Variants in CTNNAL1 observed in about 807,000 individuals in gnomAD.
The protein encoded by CTNNAL1 is catenin alpha like 1.
CTNNAL1 carries 69 observed loss-of-function variants against 93.6 expected under a neutral mutation model. The observed-to-expected ratio is 0.74, with a 90% confidence interval of 0.61 to 0.90. The LOEUF is 0.90. Among genes scored for constraint, CTNNAL1 ranks in the 40% least tolerant of loss-of-function variants. CTNNAL1 has a pLI of 0.00. For synonymous variants in CTNNAL1, 286 were observed against 305.4 expected (o/e 0.94, Z 0.66); for missense variants, 836 against 862.0 (o/e 0.97, Z 0.38).
At chr9:109,007,775 C>T (rs1376016171) in intron 1 of CTNNAL1, among the ~76,000 whole-genome samples, 2 of 152,184 alleles carry the variant, frequency 1.3e-5, no homozygotes, top group Admixed American at 6.5e-5. Context: ...AGAACAATGT[C>T]AGTATCTCTG....
chr9:108,998,602 A>G (rs1832110167), intron 2 of CTNNAL1, among the ~76,000 whole-genome samples: 1 of 152,330 alleles, frequency 6.6e-6, no homozygotes, highest in Non-Finnish European at 1.5e-5. Flanking sequence ...TGATACTTCA[A>G]CAAAGCTGCA....
chr9:108,989,582 C>A (rs1268854449), intron 4 of CTNNAL1, among the ~76,000 whole-genome samples: 2 of 152,118 alleles, frequency 1.3e-5, no homozygotes, highest in African/African-American at 4.8e-5. Context: ...GCCTATGGGA[C>A]TACACCCAGA....
At chr9:109,004,792 AAT>A (rs1826964865) in intron 1 of CTNNAL1, among the ~76,000 whole-genome samples, 2 of 151,638 alleles carry the variant, frequency 1.3e-5, no homozygotes, top group South Asian at 2.1e-4. Flanking sequence ...TCTTGAAAAA[AAT>A]AAATAAATAA....
chr9:108,980,945 A>G (rs1368796090), intron 6 of CTNNAL1, among the ~76,000 whole-genome samples: 1 of 152,202 alleles, frequency 6.6e-6, no homozygotes, highest in Non-Finnish European at 1.5e-5. Context: ...ATGGTACCAA[A>G]TACAGCAAAG....
chr9:108,950,908 T>A (rs1435231654), intron 14 of CTNNAL1, among the ~76,000 whole-genome samples: 2 of 152,172 alleles, frequency 1.3e-5, no homozygotes, highest in Admixed American at 1.3e-4. Context: ...CTTTCTCCAA[T>A]ATCAGCTTTA....
At chr9:108,964,972 C>T (rs989064182) in intron 11 of CTNNAL1, among the ~76,000 whole-genome samples, 3 of 152,054 alleles carry the variant, frequency 2.0e-5, no homozygotes, top group African/African-American at 7.2e-5. Context: ...AAGTGATTCT[C>T]GTGCCTCAGC....
chr9:108,961,653 G>A (rs1830824115), intron 11 of CTNNAL1, among the ~76,000 whole-genome samples: 1 of 152,148 alleles, frequency 6.6e-6, no homozygotes, highest in Non-Finnish European at 1.5e-5. Flanking sequence ...GAAAGTAAAA[G>A]AAACCACAGT....
At chr9:108,980,946 T>C (rs1014319025) in intron 6 of CTNNAL1, among the ~76,000 whole-genome samples, 19 of 152,214 alleles carry the variant, frequency 1.2e-4, no homozygotes, top group Admixed American at 2.0e-4. Flanking sequence ...TGGTACCAAA[T>C]ACAGCAAAGT....
In CTNNAL1 at chr9:108,948,735, C is replaced by T. The variant is rs754133050; in HGVS notation, c.1836-501G>A. Among the ~76,000 whole-genome samples the T allele has an allele frequency of 1.1e-4, 17 of 152,174 alleles. 1 individual carries two copies. In the South Asian group the frequency reaches 2.1e-3, roughly 19 times the overall value. On this transcript the variant is annotated intron_variant, in intron 14 of 18. Coordinates refer to ENST00000325551, the MANE Select transcript of CTNNAL1 (RefSeq NM_003798.4). ...AATCATAATAATACTTGTGCTACCACTCTCATCAGAAGATTGAGGAACAGC... is the reference window on the plus strand; with the variant it reads ...AATCATAATAATACTTGTGCTACCATTCTCATCAGAAGATTGAGGAACAGC...
intron 15 of CTNNAL1, 39 bp from the exon 16 acceptor site, chr9:108,944,057 T>C: frequency 6.5e-7 from 1 of 1,534,056 alleles, no homozygotes; most frequent in African/African-American, 1.4e-5. Flanking sequence ...TAGACTGATG[T>C]CTATGGATAG....
chr9:108,989,975 C>T (rs1325509431), intron 4 of CTNNAL1, among the ~76,000 whole-genome samples: 1 of 152,114 alleles, frequency 6.6e-6, no homozygotes, highest in Non-Finnish European at 1.5e-5. Flanking sequence ...CACTTGAACC[C>T]AGGAGGTGGA....
intron 14 of CTNNAL1, among the ~76,000 whole-genome samples, chr9:108,949,248 T>C (rs1830491295): frequency 6.6e-6 from 1 of 152,180 alleles, no homozygotes; most frequent in Non-Finnish European, 1.5e-5. Flanking sequence ...AACTATATTC[T>C]AGGAAGAAGT....
chr9:109,011,564 A>T (rs1401813305), intron 1 of CTNNAL1, among the ~76,000 whole-genome samples: 2 of 152,194 alleles, frequency 1.3e-5, no homozygotes, highest in Non-Finnish European at 2.9e-5. Context: ...TCTCCAGATT[A>T]TGACTTTCTA....
intron 4 of CTNNAL1, among the ~76,000 whole-genome samples, chr9:108,986,296 C>T (rs1221255651): frequency 1.3e-5 from 2 of 149,690 alleles, no homozygotes; most frequent in African/African-American, 2.5e-5. Flanking sequence ...TTTGTCCTTG[C>T]GATAGTTTAC....
intron 9 of CTNNAL1, among the ~76,000 whole-genome samples, chr9:108,971,685 T>G (rs1012012373): frequency 2.0e-5 from 3 of 152,230 alleles, no homozygotes; most frequent in South Asian, 2.1e-4. Context: ...TGTGAGTTCA[T>G]TAAACCTCTT....
In CTNNAL1 at chr9:108,943,063, T is replaced by C. The variant is rs1371880552; in HGVS notation, c.2056-19A>G. 3.8e-6 allele frequency: 6 copies of C among 1,590,344 alleles called. No individual in the cohort carries two copies. Among genetic ancestry groups the C allele is most frequent in the Non-Finnish European group, 5.1e-6 (6 of 1,169,952 alleles). On this transcript the variant is annotated intron_variant, in intron 17 of 18. Coordinates refer to ENST00000325551, the MANE Select transcript of CTNNAL1 (RefSeq NM_003798.4). ...TGTCAACCTACAATGACAAAAAGCA[T>C]GCAAATGATATTCTAAAAGTAGTAC...
chr9:109,004,321 ATCC>A (rs1238549804), intron 1 of CTNNAL1, among the ~76,000 whole-genome samples: 1 of 152,196 alleles, frequency 6.6e-6, no homozygotes, highest in Non-Finnish European at 1.5e-5. Context: ...AATATTAATC[ATCC>A]TCATTTCCCC....
intron 8 of CTNNAL1, among the ~76,000 whole-genome samples, chr9:108,973,548 C>A (rs557033033): frequency 2.2e-4 from 33 of 151,994 alleles, no homozygotes; most frequent in Admixed American, 9.8e-4. Flanking sequence ...CAAATTGGGT[C>A]CCAGGAGAAA....
At chr9:108,992,054 T>C (rs1372851493) in intron 3 of CTNNAL1, 3 of 767,976 alleles carry the variant, frequency 3.9e-6, no homozygotes, top group Admixed American at 1.7e-5. Context: ...TCTTAAGTTA[T>C]ATATTGTTAG....
Sources: gnomAD v4.1 joint callset for allele counts (sites outside exome capture counted in the v4.1 genomes callset) on GRCh38, gnomAD v4.1.1 for gene constraint, MANE v1.5 for transcripts, NCBI Gene and HGNC (gene_info 2026-07-23, HGNC 2026-07-21) for gene names.